Variants in FRY observed in about 807,000 individuals in gnomAD.
FRY encodes the protein protein furry homolog.
Under a neutral mutation model 348.4 loss-of-function variants are expected in FRY, and 128 were observed. The ratio of observed to expected loss-of-function variants is 0.37; its 90% CI spans 0.32 to 0.43. The LOEUF (loss-of-function observed/expected upper bound fraction) is 0.43. Among genes scored for constraint, FRY ranks in the 20% least tolerant of loss-of-function variants. FRY has a pLI of 1.00. For synonymous variants in FRY, 1,370 were observed against 1,374.7 expected (o/e 1.00, Z 0.08); for missense variants, 2,736 against 3,695.2 (o/e 0.74, Z 6.73).
At chr13:32,148,022 A>G (rs567930051) in intron 13 of FRY, 75 bp downstream of exon 13, 135 of 854,662 alleles carry the variant, frequency 1.6e-4, no homozygotes, top group South Asian at 1.6e-3. Flanking sequence ...ATGAAGTACT[A>G]AAAGACGGAA....
intron 41 of FRY, among the ~76,000 whole-genome samples, chr13:32,231,973 A>G (rs1885942072): frequency 6.6e-6 from 1 of 152,250 alleles, no homozygotes; most frequent in Admixed American, 6.5e-5. Flanking sequence ...GGTAATTAGC[A>G]CATTTCCCAG....
At chr13:32,231,385 A>C in intron 41 of FRY, 85 bp downstream of exon 41, 1 of 1,396,092 alleles carries the variant, frequency 7.2e-7, no homozygotes, top group Non-Finnish European at 1.0e-6. Context: ...CAGCGCCTTA[A>C]AACGGTCCTG....
chr13:32,203,767 G>A (rs116962633), intron 31 of FRY, among the ~76,000 whole-genome samples: 3 of 151,960 alleles, frequency 2.0e-5, no homozygotes, highest in East Asian at 1.9e-4. Flanking sequence ...CTAAGCTTAC[G>A]TAGCACTTTG....
intron 55 of FRY, among the ~76,000 whole-genome samples, chr13:32,273,117 T>C (rs1162670100): frequency 6.6e-6 from 1 of 152,116 alleles, no homozygotes. Context: ...GCAGTAACCT[T>C]AGGAAGCAAT....
chr13:32,094,682 C>G (rs900473142), intron 2 of FRY, among the ~76,000 whole-genome samples: 6 of 152,146 alleles, frequency 3.9e-5, no homozygotes, highest in Admixed American at 2.6e-4. Context: ...TTGCAAATGA[C>G]AGGATCTCAT....
chr13:32,185,639 G>A (rs185374590), intron 26 of FRY, among the ~76,000 whole-genome samples: 2 of 152,132 alleles, frequency 1.3e-5, no homozygotes, highest in East Asian at 1.9e-4. Flanking sequence ...GAGCAAATGG[G>A]TATGAAACAT....
chr13:32,282,535 A>G (rs1469069629), intron 58 of FRY, among the ~76,000 whole-genome samples: 1 of 152,234 alleles, frequency 6.6e-6, no homozygotes, highest in Admixed American at 6.5e-5. Flanking sequence ...ACAGACAGGC[A>G]TATGAAAGCT....
intron 29 of FRY, among the ~76,000 whole-genome samples, chr13:32,196,587 T>C (rs1883689138): frequency 6.6e-6 from 1 of 152,086 alleles, no homozygotes; most frequent in Non-Finnish European, 1.5e-5. Context: ...AGAGTGTGTG[T>C]GTGTGTGTGC....
At chr13:32,076,787 A>C (rs1465903985) in intron 1 of FRY, among the ~76,000 whole-genome samples, 4 of 152,204 alleles carry the variant, frequency 2.6e-5, no homozygotes, top group African/African-American at 9.7e-5. Context: ...CAGTCTTATT[A>C]GGGAACTTTT....
At chr13:32,268,505 A>AAAAAATATATAT (rs1555273232) in intron 55 of FRY, among the ~76,000 whole-genome samples, 2 of 28,294 alleles carry the variant, frequency 7.1e-5, no homozygotes, top group Non-Finnish European at 1.6e-4. Flanking sequence ...AAAAAAAAAA[A>AAAAAATATATAT]ATATATATAT....
chr13:32,252,077 T>G, intron 50 of FRY, 125 bp downstream of exon 50: 1 of 745,774 alleles, frequency 1.3e-6, no homozygotes, highest in Non-Finnish European at 2.5e-6. Flanking sequence ...AGCCACCGTC[T>G]TGAGCAAACC....
chr13:32,284,723 T>A (rs1888965637), intron 58 of FRY, among the ~76,000 whole-genome samples: 1 of 152,258 alleles, frequency 6.6e-6, no homozygotes, highest in Admixed American at 6.5e-5. Flanking sequence ...ATCATTAGGC[T>A]AGGTTATTTA....
intron 55 of FRY, among the ~76,000 whole-genome samples, chr13:32,268,538 A>ATC (rs1566182785): frequency 2.1e-5 from 3 of 142,986 alleles, no homozygotes; most frequent in Admixed American, 7.0e-5. Flanking sequence ...ATATATATAT[A>ATC]TCTAGATTAG....
intron 2 of FRY, among the ~76,000 whole-genome samples, chr13:32,100,686 G>C (rs1418241750): frequency 6.6e-6 from 1 of 152,134 alleles, no homozygotes; most frequent in Non-Finnish European, 1.5e-5. Context: ...CATTCAGGCT[G>C]CTATAACAAA....
rs368591067 is a variant in FRY at position 32,102,007 on chromosome 13, A to G, written c.315A>G (p.Gln105=). The G allele has an allele frequency of 7.1e-6, 11 of 1,541,582 alleles. No homozygotes were observed. The highest frequency in any genetic ancestry group is 6.8e-5 in the African/African-American group (5 of 73,608). Residue 105 remains glutamine (Q), a synonymous_variant, in exon 3 of 61, where the codon CAA becomes CAG. Transcript: ENST00000542859. ...TKSLQRGEDP[Q]FDQVISSMSS... ...CTCTGCAACGTGGAGAAGACCCCCA[A>G]TTTGATCAGGTATGTGATATATATG...
chr13:32,292,711 G>GA (rs1032909023), intron 59 of FRY, among the ~76,000 whole-genome samples: 1 of 152,010 alleles, frequency 6.6e-6, no homozygotes, highest in Non-Finnish European at 1.5e-5. Context: ...GGAATCACTT[G>GA]AACCCGGGAG....
At chr13:32,142,325 C>G (rs1880124470) in intron 11 of FRY, among the ~76,000 whole-genome samples, 2 of 152,202 alleles carry the variant, frequency 1.3e-5, no homozygotes, top group Admixed American at 1.3e-4. Context: ...TATTTGACCT[C>G]TCTGTGCCTA....
chr13:32,269,584 C>T (rs1888106239), intron 55 of FRY, among the ~76,000 whole-genome samples: 1 of 151,936 alleles, frequency 6.6e-6, no homozygotes, highest in Non-Finnish European at 1.5e-5. Flanking sequence ...CCCAGCTACT[C>T]GGGAGGCTGA....
In FRY at chr13:32,239,181, C is replaced by T. The variant is rs1593786557; in HGVS notation, c.6419-71C>T. 1 of 955,672 alleles carries T rather than the reference C, an allele frequency of 1.0e-6. No individual in the cohort carries two copies. Among genetic ancestry groups the T allele is most frequent in the East Asian group, 2.4e-5 (1 of 41,886 alleles). The allele number at this position is 955,672 out of a possible 1,614,324, so 59.2% of individuals were successfully genotyped here. On this transcript the variant is annotated intron_variant, in intron 44 of 60. Transcript: ENST00000542859. The surrounding 1 kb of genome is among the most constrained non-coding windows in gnomAD (Gnocchi z 4.3). ...ATCACCTCAGTATAAAAATCTGTAA[C>T]ATGCCTTCCCACTGTTAACAGCTAA...
Sources: gnomAD v4.1 joint callset for allele counts (sites outside exome capture counted in the v4.1 genomes callset) on GRCh38, gnomAD v4.1.1 for gene constraint, Gnocchi (gnomAD v3.1) non-coding constraint, MANE v1.5 for transcripts, NCBI Gene and HGNC (gene_info 2026-07-23, HGNC 2026-07-21) for gene names.